Variants in PDE1A observed in about 807,000 individuals in gnomAD.
PDE1A encodes dual specificity calcium/calmodulin-dependent 3',5'-cyclic nucleotide phosphodiesterase 1A.
PDE1A carries 35 observed loss-of-function variants against 61.7 expected under a neutral mutation model. The observed-to-expected ratio is 0.57, with a 90% confidence interval of 0.43 to 0.75. PDE1A has a LOEUF of 0.75. PDE1A is among the 30% of genes least tolerant of loss of function. PDE1A has a pLI of 0.00. For missense variants in PDE1A, 597 were observed against 630.6 expected, an observed-to-expected ratio of 0.95 and a Z score of 0.57; for synonymous variants, 232 against 213.2, an observed-to-expected ratio of 1.09 and a Z score of -0.77.
intron 1 of PDE1A, among the ~76,000 whole-genome samples, chr2:182,423,753 T>C (rs1285789483): frequency 6.6e-6 from 1 of 152,032 alleles, no homozygotes; most frequent in Non-Finnish European, 1.5e-5. Flanking sequence ...TGAGGGCACA[T>C]AAGTATTTTT....
intron 10 of PDE1A, among the ~76,000 whole-genome samples, chr2:182,190,914 C>G (rs1407611738): frequency 6.6e-6 from 1 of 152,000 alleles, no homozygotes; most frequent in Non-Finnish European, 1.5e-5. Context: ...CGAGATTGCA[C>G]CACTGCACTC....
chr2:182,145,905 CACATTTTA>C (rs2125259971), downstream of PDE1A, among the ~76,000 whole-genome samples: 1 of 152,216 alleles, frequency 6.6e-6, no homozygotes, highest in East Asian at 1.9e-4. Context: ...AAAAGCGAAT[CACATTTTA>C]ACACTTTCAT....
the PDE1A span, among the ~76,000 whole-genome samples, chr2:182,591,229 A>C: frequency 6.6e-6 from 1 of 152,262 alleles, no homozygotes; most frequent in Non-Finnish European, 1.5e-5. Flanking sequence ...TCATTCTCAA[A>C]ATTTCTTAGT....
At chr2:182,395,322 T>A (rs984089161) in intron 1 of PDE1A, among the ~76,000 whole-genome samples, 3 of 152,236 alleles carry the variant, frequency 2.0e-5, no homozygotes, top group African/African-American at 7.2e-5. Context: ...AGATATCGCA[T>A]TGATCCATTA....
At chr2:182,372,935 G>C (rs551190331) in intron 1 of PDE1A, among the ~76,000 whole-genome samples, 136 of 152,294 alleles carry the variant, frequency 8.9e-4, no homozygotes, top group African/African-American at 2.7e-3. Flanking sequence ...CAGTGATAAA[G>C]GAACAATGTG....
At chr2:182,471,251 T>C (rs62190679) in intron 2 of PDE1A, among the ~76,000 whole-genome samples, 24,715 of 151,696 alleles carry the variant, frequency 0.16, 2,497 homozygotes, top group Middle Eastern at 0.31. Context: ...AAATGGATAA[T>C]ATATCACAAA....
the PDE1A span, among the ~76,000 whole-genome samples, chr2:182,554,614 C>A: frequency 6.6e-6 from 1 of 152,066 alleles, no homozygotes; most frequent in East Asian, 1.9e-4. Context: ...TAACTTTTTT[C>A]TCAAAGCTTC....
the PDE1A span, among the ~76,000 whole-genome samples, chr2:182,658,550 C>T: frequency 2.6e-5 from 4 of 152,304 alleles, no homozygotes; most frequent in East Asian, 7.7e-4. Context: ...TGCAGTTCTA[C>T]CCACAGCATC....
chr2:182,467,612 A>G (rs1008545625), intron 2 of PDE1A, among the ~76,000 whole-genome samples: 1 of 151,958 alleles, frequency 6.6e-6, no homozygotes, highest in Admixed American at 6.6e-5. Context: ...AGAACTGCAG[A>G]CCAATACCAC....
intron 7 of PDE1A, among the ~76,000 whole-genome samples, chr2:182,207,528 T>G (rs12465757): frequency 0.72 from 109,979 of 151,696 alleles, 40,122 homozygotes; most frequent in East Asian, 0.91. Flanking sequence ...AGAAAGAAAT[T>G]ACCTGAAACT....
the PDE1A span, among the ~76,000 whole-genome samples, chr2:182,552,268 T>C: frequency 6.3e-4 from 95 of 151,634 alleles, no homozygotes; most frequent in Non-Finnish European, 1.1e-3. Flanking sequence ...GGGAGAAAAA[T>C]AGATTCTAAA....
the PDE1A span, among the ~76,000 whole-genome samples, chr2:182,565,392 C>T: frequency 1.3e-5 from 2 of 152,170 alleles, no homozygotes; most frequent in African/African-American, 4.8e-5. Context: ...GCAAATGCTG[C>T]TGTCTGATTG....
At chr2:182,710,090 T>G in the PDE1A span, among the ~76,000 whole-genome samples, 1 of 152,178 alleles carries the variant, frequency 6.6e-6, no homozygotes, top group Non-Finnish European at 1.5e-5. Flanking sequence ...AGAGATACGG[T>G]TTCACCATGT....
chr2:182,187,092 A>G (rs959157279), intron 11 of PDE1A, among the ~76,000 whole-genome samples: 10 of 152,250 alleles, frequency 6.6e-5, no homozygotes, highest in Non-Finnish European at 2.9e-5. Context: ...TATATCAGTC[A>G]GAGCTTTCTG....
chr2:182,273,129 C>A (rs1693153513), intron 1 of PDE1A, among the ~76,000 whole-genome samples: 2 of 151,964 alleles, frequency 1.3e-5, no homozygotes, highest in South Asian at 2.1e-4. Context: ...ACTAAAAGAG[C>A]TAAAACATTG....
At chr2:182,657,594 G>T in the PDE1A span, among the ~76,000 whole-genome samples, 2 of 152,076 alleles carry the variant, frequency 1.3e-5, no homozygotes, top group Admixed American at 6.6e-5. Context: ...AAGCTGTAGA[G>T]CTTCTGTGAC....
At chr2:182,278,659 C>T (rs1693604399) in intron 1 of PDE1A, among the ~76,000 whole-genome samples, 1 of 151,856 alleles carries the variant, frequency 6.6e-6, no homozygotes, top group African/African-American at 2.4e-5. Context: ...AAAAATCTAA[C>T]TGAAACAGTG....
At chr2:182,596,920 G>A in the PDE1A span, among the ~76,000 whole-genome samples, 2 of 152,190 alleles carry the variant, frequency 1.3e-5, no homozygotes, top group African/African-American at 2.4e-5. Flanking sequence ...TTGGGAGGCT[G>A]AGGCAGGTGA....
chr2:182,428,269 T>C (rs1312129527), upstream of PDE1A, among the ~76,000 whole-genome samples: 1 of 152,172 alleles, frequency 6.6e-6, no homozygotes, highest in African/African-American at 2.4e-5. Flanking sequence ...ATAATATTAA[T>C]TGAATTCTAT....
Sources: gnomAD v4.1 joint callset for allele counts (sites outside exome capture counted in the v4.1 genomes callset) on GRCh38, gnomAD v4.1.1 for gene constraint, MANE v1.5 for transcripts, NCBI Gene and HGNC (gene_info 2026-07-23, HGNC 2026-07-21) for gene names.